ACVR2B: variants seen among roughly 807,000 people sequenced by gnomAD.
ACVR2B encodes activin receptor type-2B.
ACVR2B carries 18 observed loss-of-function variants against 65.1 expected under a neutral mutation model. The observed-to-expected ratio is 0.28, with a 90% CI of 0.19 to 0.41. The LOEUF is 0.41. ACVR2B is among the 10% of genes least tolerant of loss of function. ACVR2B has a pLI of 1.00. For missense variants in ACVR2B, 482 were observed against 682.7 expected (o/e 0.71, Z 3.28); for synonymous variants, 298 against 277.7 (o/e 1.07, Z -0.73).
At chr3:38,482,967 T>C (rs2125726323) in intron 10 of ACVR2B, among the ~76,000 whole-genome samples, 171 bp from the exon 11 acceptor site, 1 of 152,312 alleles carries the variant, frequency 6.6e-6, no homozygotes, top group South Asian at 2.1e-4. Flanking sequence ...AAGGCAGGCA[T>C]GCTGATTCCT....
chr3:38,458,496 G>A (rs1709587248), intron 1 of ACVR2B, among the ~76,000 whole-genome samples: 2 of 152,156 alleles, frequency 1.3e-5, no homozygotes, highest in Admixed American at 1.3e-4. Flanking sequence ...CTTGTTCTGC[G>A]GGGGAGGGGT....
intron 1 of ACVR2B, among the ~76,000 whole-genome samples, chr3:38,464,307 T>G (rs1709695416): frequency 6.6e-6 from 1 of 152,268 alleles, no homozygotes; most frequent in Non-Finnish European, 1.5e-5. Flanking sequence ...TTGTCTACAC[T>G]GGTGGGCTTA....
intron 1 of ACVR2B, among the ~76,000 whole-genome samples, chr3:38,463,743 C>A (rs970651389): frequency 3.3e-5 from 5 of 152,132 alleles, no homozygotes; most frequent in African/African-American, 1.2e-4. Context: ...ATATGATGTG[C>A]GCTGTTTGTG....
Position 38,493,037 on chromosome 3 carries a change from T to TC in ACVR2B, c.*9710dup, listed in dbSNP as rs1160301091. 6.6e-6 allele frequency: 1 copy of TC among 152,460 alleles called. No individual in the cohort carries two copies. The highest frequency in any genetic ancestry group is 1.5e-5 in the Non-Finnish European group (1 of 68,002). 9.4% of individuals were successfully genotyped at this position (152,460 alleles called of 1,614,324 possible). A position where few individuals can be genotyped will look rare whatever the true frequency, so the allele number is the denominator to read the frequency against. On this transcript the variant is annotated 3_prime_UTR_variant, in exon 11 of 11. Coordinates refer to ENST00000352511, the MANE Select transcript of ACVR2B (RefSeq NM_001106.4). The stretch of plus-strand genomic sequence containing the variant: ...ATAAACCGATGTGAATGTAGTTTTT[T>TC]CCCCCTGTGTGAAGAAGCAGTTACA...
chr3:38,476,996 C>G (rs1405500316), intron 1 of ACVR2B: 11 of 531,128 alleles, frequency 2.1e-5, no homozygotes, highest in Non-Finnish European at 3.7e-5. Context: ...GGCTGTTTAT[C>G]CATCCTTCTG....
chr3:38,455,304 A>G (rs1709529270), intron 1 of ACVR2B, among the ~76,000 whole-genome samples: 1 of 152,060 alleles, frequency 6.6e-6, no homozygotes, highest in Non-Finnish European at 1.5e-5. Flanking sequence ...CAGTCCTGGG[A>G]AACGTGGGGA....
At chr3:38,468,927 T>C (rs750353684) in intron 1 of ACVR2B, among the ~76,000 whole-genome samples, 3 of 152,214 alleles carry the variant, frequency 2.0e-5, no homozygotes, top group Non-Finnish European at 2.9e-5. Context: ...CTTCCAGTGT[T>C]TTCCAGGAAT....
rs765064181 is a variant in ACVR2B, at chr3:38,478,480, A to G, written c.628A>G (p.Met210Val). ...RFGCVWKAQL[M>V]NDFVAVKIFP... Reference sequence around the variant, plus strand: ...TGGCTGTGTCTGGAAGGCCCAGCTCATGAATGACTTTGTAGCTGTCAAGAT... The same window carrying G: ...TGGCTGTGTCTGGAAGGCCCAGCTCGTGAATGACTTTGTAGCTGTCAAGAT... Residue 210 changes from methionine (M) to valine (V), a missense_variant, in exon 5 of 11, where the codon ATG becomes GTG. Around this residue, in one of 5 missense-constraint regions of ACVR2B, gnomAD observed 223 missense variants for 386.3 expected, o/e 0.58. Coordinates refer to ENST00000352511, the MANE Select transcript of ACVR2B (RefSeq NM_001106.4). 3 of 1,614,196 alleles carry G rather than the reference A, an allele frequency of 1.9e-6. No homozygotes were observed. The highest frequency in any genetic ancestry group is 2.5e-6 in the Non-Finnish European group (3 of 1,180,030).
intron 1 of ACVR2B, chr3:38,474,878 C>A (rs762318): frequency 0.48 from 73,589 of 152,084 alleles, 20,013 homozygotes; most frequent in Non-Finnish European, 0.61. Flanking sequence ...GTGGTAACTT[C>A]CGACTTACGC....
rs559028890 is a variant in ACVR2B at position 38,467,460 on chromosome 3, C to T, written c.53-9827C>T. Among the ~76,000 whole-genome samples, 7 of 149,496 alleles carry T rather than the reference C, an allele frequency of 4.7e-5. No homozygotes were observed. The South Asian group carries it at 1.5e-3, about 31-fold the overall frequency. ...CTCTGTCTCAAAAAAAAAAAAAAGGCAGACAAATGGGTTGAGTGCAGTGGC... is the reference window on the plus strand; with the variant it reads ...CTCTGTCTCAAAAAAAAAAAAAAGGTAGACAAATGGGTTGAGTGCAGTGGC... On this transcript the variant is annotated intron_variant, in intron 1 of 10. Transcript: ENST00000352511.
chr3:38,463,744 G>T (rs374122723), intron 1 of ACVR2B, among the ~76,000 whole-genome samples: 1 of 152,146 alleles, frequency 6.6e-6, no homozygotes, highest in Non-Finnish European at 1.5e-5. Flanking sequence ...TATGATGTGC[G>T]CTGTTTGTGT....
chr3:38,465,129 T>C (rs956518643), intron 1 of ACVR2B, among the ~76,000 whole-genome samples: 10 of 152,068 alleles, frequency 6.6e-5, no homozygotes, highest in Non-Finnish European at 1.3e-4. Flanking sequence ...CTGGGCGCAG[T>C]GGCTCATGCC....
rs754436899 is a variant in ACVR2B, at chr3:38,479,233, G to A, written c.772G>A (p.Glu258Lys). The change falls in exon 6 of 11, where the codon GAA (glutamate) becomes AAA (lysine). Residue 258 changes from glutamate to lysine, a missense_variant. Glu to Lys is a moderately conservative substitution (Grantham distance 56). Around this residue, in one of 5 missense-constraint regions of ACVR2B, gnomAD observed 223 missense variants for 386.3 expected, o/e 0.58. Transcript: ENST00000352511. ...TGCCGAGAAGCGAGGCTCCAACCTC[G>A]AAGTAGAGCTGTGGCTCATCACGGC... ...IAAEKRGSNLEVELWLITAFH... is the reference protein window; with the variant it reads ...IAAEKRGSNLKVELWLITAFH... 7 of 1,614,034 alleles carry A rather than the reference G, an allele frequency of 4.3e-6. No individual in the cohort carries two copies. Among genetic ancestry groups the A allele is most frequent in the African/African-American group, 4.0e-5 (3 of 74,912 alleles).
Position 38,489,402 on chromosome 3 carries a change from C to A in ACVR2B, c.*6070C>A, listed in dbSNP as rs1212075905. On this transcript the variant is annotated 3_prime_UTR_variant, in exon 11 of 11. Coordinates refer to ENST00000352511, the MANE Select transcript of ACVR2B (RefSeq NM_001106.4). ...AATGAGCTTTACCTTTCAAGAGAAA[C>A]GTACACTGGAGCATGAGTGGTGTGG... The A allele has an allele frequency of 6.6e-6, 1 of 152,594 alleles. No homozygotes were observed. Among genetic ancestry groups the A allele is most frequent in the African/African-American group, 2.4e-5 (1 of 41,448 alleles). 9.5% of individuals were successfully genotyped at this position (152,594 alleles called of 1,614,324 possible).
intron 1 of ACVR2B, among the ~76,000 whole-genome samples, chr3:38,467,314 G>GC (rs1186769060): frequency 6.6e-6 from 1 of 152,188 alleles, no homozygotes; most frequent in Admixed American, 6.5e-5. Flanking sequence ...AGGCATGGTG[G>GC]CGCATGCCTG....
Position 38,474,860 on chromosome 3 carries a change from G to A in ACVR2B, c.53-2427G>A, listed in dbSNP as rs566220711. 359 of 152,384 alleles carry A rather than the reference G, an allele frequency of 2.4e-3. 1 individual carries two copies. The highest frequency in any genetic ancestry group is 0.017 in the Middle Eastern group (5 of 296). The allele number at this position is 152,384 out of a possible 1,614,324, so 9.4% of individuals were successfully genotyped here. A position where few individuals can be genotyped will look rare whatever the true frequency, so the allele number is the denominator to read the frequency against. On this transcript the variant is annotated intron_variant, in intron 1 of 10. Transcript: ENST00000352511. Reference sequence around the variant, plus strand: ...ATCAGAGGAAGGTGGGTAACCTTACGGCCAGAGGTGGTAACTTCCGACTTA... The same window carrying A: ...ATCAGAGGAAGGTGGGTAACCTTACAGCCAGAGGTGGTAACTTCCGACTTA...
chr3:38,455,803 CAAG>C (rs1438138355), intron 1 of ACVR2B, among the ~76,000 whole-genome samples: 1 of 152,124 alleles, frequency 6.6e-6, no homozygotes, highest in South Asian at 2.1e-4. Flanking sequence ...GCCTTTTCCC[CAAG>C]AAGGAGTGCT....
At chr3:38,461,826 T>A (rs946930958) in intron 1 of ACVR2B, among the ~76,000 whole-genome samples, 1 of 152,178 alleles carries the variant, frequency 6.6e-6, no homozygotes, top group South Asian at 2.1e-4. Context: ...CCTCCAAAGG[T>A]AATCCTTTTA....
chr3:38,468,710 A>C (rs984588775), intron 1 of ACVR2B, among the ~76,000 whole-genome samples: 2 of 152,202 alleles, frequency 1.3e-5, no homozygotes, highest in African/African-American at 4.8e-5. Flanking sequence ...TACTTTATCC[A>C]GAGCCAACTT....
Sources: gnomAD v4.1 joint callset for allele counts (sites outside exome capture counted in the v4.1 genomes callset) on GRCh38, gnomAD v4.1.1 for gene constraint, gnomAD v4.1.1 regional missense constraint, MANE v1.5 for transcripts, NCBI Gene and HGNC (gene_info 2026-07-23, HGNC 2026-07-21) for gene names.